Variants in CNTNAP2 observed in about 807,000 individuals in gnomAD.
The protein encoded by CNTNAP2 is contactin associated protein 2.
In CNTNAP2, 98 loss-of-function variants were observed where a neutral mutation model predicts 155.2. The observed-to-expected ratio is 0.63, with a 90% CI of 0.54 to 0.75. The LOEUF (loss-of-function observed/expected upper bound fraction) is 0.75, where lower values mean the gene tolerates loss of function less well. CNTNAP2 is among the 30% of genes least tolerant of loss of function. CNTNAP2 has a pLI of 0.00. For missense variants in CNTNAP2, 1,727 were observed against 1,688.1 expected (o/e 1.02, Z -0.40); for synonymous variants, 651 against 631.2 (o/e 1.03, Z -0.47).
intron 1 of CNTNAP2, among the ~76,000 whole-genome samples, chr7:146,734,857 A>G (rs1177422991): frequency 1.3e-5 from 2 of 152,142 alleles, no homozygotes; most frequent in African/African-American, 4.8e-5. Context: ...GTCCAAACTG[A>G]GTTTTCCAAA....
At chr7:147,138,273 A>G (rs1487163272) in intron 8 of CNTNAP2, among the ~76,000 whole-genome samples, 3 of 151,944 alleles carry the variant, frequency 2.0e-5, no homozygotes, top group African/African-American at 7.2e-5. Context: ...ACTGAGCTGG[A>G]AAGGAATAGA....
chr7:146,415,043 A>G (rs978647966), intron 1 of CNTNAP2, among the ~76,000 whole-genome samples: 3 of 152,216 alleles, frequency 2.0e-5, no homozygotes, highest in African/African-American at 4.8e-5. Context: ...GCAGAATGCC[A>G]TCGGTTAATA....
chr7:147,575,436 T>C (rs1456229901), intron 12 of CNTNAP2, among the ~76,000 whole-genome samples: 1 of 149,444 alleles, frequency 6.7e-6, no homozygotes, highest in Non-Finnish European at 1.5e-5. Context: ...TATGTGTGTG[T>C]GTGAGTGTGT....
chr7:146,388,806 C>G (rs191678514), intron 1 of CNTNAP2, among the ~76,000 whole-genome samples: 158 of 152,258 alleles, frequency 1.0e-3, no homozygotes, highest in African/African-American at 3.2e-3. Context: ...CTCTCTATGT[C>G]CATGGGTTCA....
intron 2 of CNTNAP2, among the ~76,000 whole-genome samples, chr7:146,828,417 C>A (rs889915974): frequency 1.3e-5 from 2 of 151,940 alleles, no homozygotes; most frequent in Admixed American, 1.3e-4. Flanking sequence ...AGAACGCAGT[C>A]CAATCTCTCA....
chr7:146,806,875 G>T (rs1442509244), intron 2 of CNTNAP2, among the ~76,000 whole-genome samples: 1 of 152,152 alleles, frequency 6.6e-6, no homozygotes, highest in Non-Finnish European at 1.5e-5. Flanking sequence ...TAGTCTCTCT[G>T]TGTGTGTTTC....
intron 1 of CNTNAP2, among the ~76,000 whole-genome samples, chr7:146,518,662 A>C (rs570482511): frequency 2.7e-4 from 41 of 151,974 alleles, no homozygotes; most frequent in Admixed American, 5.3e-4. Flanking sequence ...CATGAGTAGG[A>C]GCATAAACAG....
intron 9 of CNTNAP2, among the ~76,000 whole-genome samples, chr7:147,303,157 G>C (rs1349420063): frequency 6.6e-6 from 1 of 152,192 alleles, no homozygotes. Flanking sequence ...ACAAGGCTGG[G>C]TGTGTCTCTA....
chr7:146,205,020 T>G (rs1798924841), intron 1 of CNTNAP2, among the ~76,000 whole-genome samples: 2 of 152,034 alleles, frequency 1.3e-5, no homozygotes, highest in Admixed American at 1.3e-4. Flanking sequence ...CCTCCATAAC[T>G]GGAGACTTAA....
At chr7:146,549,768 A>G (rs1798086939) in intron 1 of CNTNAP2, among the ~76,000 whole-genome samples, 1 of 152,066 alleles carries the variant, frequency 6.6e-6, no homozygotes, top group African/African-American at 2.4e-5. Context: ...GAAAGAGTAA[A>G]AGATTGAAAG....
intron 1 of CNTNAP2, among the ~76,000 whole-genome samples, chr7:146,201,035 T>A (rs183134938): frequency 6.6e-6 from 1 of 152,272 alleles, no homozygotes; most frequent in Non-Finnish European, 1.5e-5. Context: ...ATGTCTTGGG[T>A]TGTTTCTCAC....
chr7:147,646,609 G>C (rs893886923), intron 13 of CNTNAP2, among the ~76,000 whole-genome samples: 1 of 151,686 alleles, frequency 6.6e-6, no homozygotes, highest in Non-Finnish European at 1.5e-5. Context: ...CTCATGCAAA[G>C]CCTCCTGTAT....
chr7:146,546,263 T>C (rs1454178961), intron 1 of CNTNAP2, among the ~76,000 whole-genome samples: 1 of 152,008 alleles, frequency 6.6e-6, no homozygotes, highest in African/African-American at 2.4e-5. Flanking sequence ...AATTTCTGAC[T>C]CTTCTTAAGC....
At chr7:146,780,921 T>C (rs939006208) in intron 2 of CNTNAP2, among the ~76,000 whole-genome samples, 12 of 151,814 alleles carry the variant, frequency 7.9e-5, no homozygotes, top group African/African-American at 1.2e-4. Context: ...ACCTAGTGCA[T>C]GTGGGGCTTA....
chr7:147,742,132 C>A (rs112179998), intron 13 of CNTNAP2, among the ~76,000 whole-genome samples: 4,799 of 152,200 alleles, frequency 0.032, 241 homozygotes, highest in African/African-American at 0.11. Flanking sequence ...GCCTGCCCCC[C>A]TGATTCAATT....
At position 146,557,447 on chromosome 7, in the gene CNTNAP2, GC is replaced by G. The variant is rs1798213881; in HGVS notation, c.98-216822del. 2.6e-5 allele frequency among the ~76,000 whole-genome samples: 4 copies of G among 152,020 alleles called. No homozygotes were observed. The South Asian group carries it at 8.3e-4, about 31-fold the overall frequency. On this transcript the variant is annotated intron_variant, in intron 1 of 23. Coordinates refer to ENST00000361727, the MANE Select transcript of CNTNAP2 (RefSeq NM_014141.6). ...TCTAAGGTCTTTCCAGAAAAGTTGT[GC>G]CTTTATAATTAATTCTATTGTCTAT...
At chr7:148,093,261 T>C (rs1252543269) in intron 15 of CNTNAP2, among the ~76,000 whole-genome samples, 2 of 152,112 alleles carry the variant, frequency 1.3e-5, no homozygotes, top group African/African-American at 4.8e-5. Flanking sequence ...CTTGTGATCA[T>C]ATATGTGCAT....
intron 10 of CNTNAP2, among the ~76,000 whole-genome samples, chr7:147,478,281 T>A (rs575415823): frequency 6.6e-6 from 1 of 152,056 alleles, no homozygotes; most frequent in Non-Finnish European, 1.5e-5. Context: ...CCCTCCCAAG[T>A]AGCTGGGACT....
chr7:147,368,653 C>T (rs1796288173), intron 9 of CNTNAP2, among the ~76,000 whole-genome samples: 1 of 152,122 alleles, frequency 6.6e-6, no homozygotes, highest in Non-Finnish European at 1.5e-5. Flanking sequence ...ATCACTTAAC[C>T]TTTTTAACAT....
Sources: gnomAD v4.1 joint callset for allele counts (sites outside exome capture counted in the v4.1 genomes callset) on GRCh38, gnomAD v4.1.1 for gene constraint, MANE v1.5 for transcripts, NCBI Gene and HGNC (gene_info 2026-07-23, HGNC 2026-07-21) for gene names.